Variants in EVL observed in about 807,000 individuals in gnomAD.
EVL encodes Enah/Vasp-like.
Under a neutral mutation model 59.6 loss-of-function variants are expected in EVL, and 21 were observed. The ratio of observed to expected loss-of-function variants is 0.35; its 90% CI spans 0.25 to 0.51. The LOEUF (loss-of-function observed/expected upper bound fraction) is 0.51, where lower values mean the gene tolerates loss of function less well. EVL is among the 20% of genes least tolerant of loss of function. EVL has a pLI of 0.97. For synonymous variants in EVL, 198 were observed against 203.5 expected, an observed-to-expected ratio of 0.97 and a Z score of 0.23; for missense variants, 462 against 546.6, an observed-to-expected ratio of 0.85 and a Z score of 1.54.
At chr14:100,110,376 GAA>G (rs796882861) in intron 3 of EVL, among the ~76,000 whole-genome samples, 2 of 141,386 alleles carry the variant, frequency 1.4e-5, no homozygotes, top group African/African-American at 2.6e-5. Context: ...GCTGTCTCAG[GAA>G]AAAAAAAAAA....
Position 100,097,665 on chromosome 14 carries a change from A to G in EVL, c.358+7A>G, listed in dbSNP as rs1375160642. 1 of 1,605,854 alleles carries G rather than the reference A, an allele frequency of 6.2e-7. No individual in the cohort carries two copies. The highest frequency in any genetic ancestry group is 1.3e-5 in the African/African-American group (1 of 74,768). On this transcript the variant is annotated splice_region_variant and intron_variant, in intron 3 of 13. Transcript: ENST00000392920. ...ATGAATTCCCAAGAAGGAGGTAAGT[A>G]GGGCTTTGTCTTGGCCTGATGCTGA...
intron 3 of EVL, among the ~76,000 whole-genome samples, chr14:100,122,682 C>G (rs573619802): frequency 6.6e-6 from 1 of 152,362 alleles, no homozygotes; most frequent in South Asian, 2.1e-4. Flanking sequence ...GTCCCTCTCC[C>G]AGTCACTGCG....
chr14:100,099,050 A>G (rs1046736752), intron 3 of EVL, among the ~76,000 whole-genome samples: 2 of 152,042 alleles, frequency 1.3e-5, no homozygotes, highest in Admixed American at 6.6e-5. Flanking sequence ...TGGCATTTAA[A>G]TATCTACTGG....
intron 3 of EVL, among the ~76,000 whole-genome samples, chr14:100,115,660 G>T (rs1215547546): frequency 6.6e-6 from 1 of 152,224 alleles, no homozygotes; most frequent in Non-Finnish European, 1.5e-5. Flanking sequence ...GCTTAGGTAG[G>T]AGGGTCTGTT....
chr14:100,025,480 C>A lies in EVL; in HGVS notation c.5+53423C>A, dbSNP rs139410505. Among the ~76,000 whole-genome samples the A allele has an allele frequency of 2.3e-3, 343 of 152,276 alleles. 1 individual carries two copies. Among genetic ancestry groups the A allele is most frequent in the Non-Finnish European group, 3.9e-3 (264 of 68,026 alleles). ...TACCCTGACCTGTCTTTTTAATATC[C>A]CTCTCCCCACAATGGGCACTCCCTT... On this transcript the variant is annotated intron_variant, in intron 1 of 13. Coordinates refer to the EVL transcript ENST00000402714.
chr14:100,031,786 G>A (rs909792516), intron 1 of EVL, among the ~76,000 whole-genome samples: 6 of 152,202 alleles, frequency 3.9e-5, no homozygotes, highest in Admixed American at 6.5e-5. Flanking sequence ...TCATCAGCAC[G>A]AGTGCTAGAA....
Position 99,983,280 on chromosome 14 carries a change from A to G in EVL, c.5+11223A>G, listed in dbSNP as rs1254080098. Among the ~76,000 whole-genome samples, 11 of 152,332 alleles carry G rather than the reference A, an allele frequency of 7.2e-5. No individual in the cohort carries two copies. The South Asian group carries it at 1.5e-3, about 20-fold the overall frequency. On this transcript the variant is annotated intron_variant, in intron 1 of 13. Coordinates refer to the EVL transcript ENST00000402714. ...ACAAAAGAAAGATAAAACAGGAGAC[A>G]TAATATTTGGACGTAGAGGCGATAA...
chr14:100,006,586 A>G (rs1418509856), intron 1 of EVL, among the ~76,000 whole-genome samples: 6 of 151,982 alleles, frequency 3.9e-5, no homozygotes, highest in Non-Finnish European at 8.8e-5. Context: ...TGCGCCCGGC[A>G]TGTTAATCTT....
intron 1 of EVL, among the ~76,000 whole-genome samples, chr14:100,071,540 T>G (rs2062048797): frequency 6.6e-6 from 1 of 152,220 alleles, no homozygotes; most frequent in Non-Finnish European, 1.5e-5. Flanking sequence ...AAAAAATTAT[T>G]AGTTTTAATT....
intron 1 of EVL, among the ~76,000 whole-genome samples, chr14:100,018,802 G>A (rs1392741508): frequency 6.6e-6 from 1 of 152,170 alleles, no homozygotes; most frequent in African/African-American, 2.4e-5. Context: ...TTCCTTCATG[G>A]CGAGTCTCAG....
intron 3 of EVL, among the ~76,000 whole-genome samples, chr14:100,103,133 CA>C (rs1334422539): frequency 6.9e-6 from 1 of 145,532 alleles, no homozygotes; most frequent in Non-Finnish European, 1.5e-5. Context: ...AAATCAGAGG[CA>C]AGATTCTGTG....
intron 1 of EVL, among the ~76,000 whole-genome samples, chr14:100,037,455 T>C (rs1297644140): frequency 2.0e-5 from 3 of 152,230 alleles, no homozygotes; most frequent in Non-Finnish European, 4.4e-5. Flanking sequence ...AAAATACTCT[T>C]GCACCTACTT....
intron 1 of EVL, among the ~76,000 whole-genome samples, chr14:100,076,878 C>T (rs777796993): frequency 6.6e-5 from 10 of 152,170 alleles, no homozygotes; most frequent in Non-Finnish European, 1.0e-4. Context: ...TGCGTAATAA[C>T]GATGACTCCC....
intron 3 of EVL, among the ~76,000 whole-genome samples, chr14:100,121,738 C>T (rs536890391): frequency 6.6e-6 from 1 of 152,228 alleles, no homozygotes; most frequent in Non-Finnish European, 1.5e-5. Flanking sequence ...CACAACCACA[C>T]AGGCCTGTGT....
chr14:100,118,330 G>A lies in EVL; in HGVS notation c.359-5209G>A, dbSNP rs1428317070. Reference sequence around the variant, plus strand: ...TCCCTACCCCTTTCCACTACACTAGGACAGCTTTCTTGAAGATGGCAGTAC... The same window carrying A: ...TCCCTACCCCTTTCCACTACACTAGAACAGCTTTCTTGAAGATGGCAGTAC... On this transcript the variant is annotated intron_variant, in intron 3 of 13. Transcript: ENST00000392920. Among the ~76,000 whole-genome samples, 3 of 152,248 alleles carry A rather than the reference G, an allele frequency of 2.0e-5. No homozygotes were observed. In the East Asian group the frequency reaches 5.8e-4, roughly 29 times the overall value.
At chr14:99,995,261 T>A (rs1186093711) in intron 1 of EVL, among the ~76,000 whole-genome samples, 3 of 152,234 alleles carry the variant, frequency 2.0e-5, no homozygotes, top group Non-Finnish European at 4.4e-5. Context: ...GTCCATTATT[T>A]ACATGTTATT....
At chr14:100,043,180 A>G (rs1281876128) in intron 1 of EVL, among the ~76,000 whole-genome samples, 2 of 152,030 alleles carry the variant, frequency 1.3e-5, no homozygotes, top group Admixed American at 6.6e-5. Context: ...ACCCCTCTGT[A>G]TTAATCAGGA....
Position 100,109,827 on chromosome 14 carries a change from G to A in EVL, c.358+12169G>A, listed in dbSNP as rs1295534399. On this transcript the variant is annotated intron_variant, in intron 3 of 13. Transcript: ENST00000392920. This position sits in a 1 kb window ranked among gnomAD's most constrained non-coding sequence, Gnocchi z 4.3. ...AAGGGCCTTCAGCTGCTGTGGCCCC[G>A]AGGTGTGCATACTGTGGAAGGAACT... 9.1e-6 allele frequency: 4 copies of A among 437,650 alleles called. No homozygotes were observed. Among genetic ancestry groups the A allele is most frequent in the East Asian group, 6.7e-5 (1 of 14,870 alleles). 27.1% of individuals were successfully genotyped at this position (437,650 alleles called of 1,614,324 possible).
intron 2 of EVL, among the ~76,000 whole-genome samples, chr14:100,085,847 G>T (rs1031281920): frequency 6.6e-6 from 1 of 152,178 alleles, no homozygotes; most frequent in Non-Finnish European, 1.5e-5. Flanking sequence ...AGTCTTTCTG[G>T]CTGGGCACGG....
Sources: allele counts gnomAD v4.1 joint callset (sites outside exome capture counted in the v4.1 genomes callset), GRCh38; gene constraint gnomAD v4.1.1; non-coding constraint Gnocchi (gnomAD v3.1); transcripts MANE v1.5; gene names NCBI Gene and HGNC (gene_info 2026-07-23, HGNC 2026-07-21).